Variants in MTCL2 observed in about 807,000 individuals in gnomAD.
MTCL2 encodes the protein microtubule crosslinking factor 2.
the MTCL2 span, chr20:36,829,094 G>A: frequency 6.4e-7 from 1 of 1,560,788 alleles, no homozygotes; most frequent in Non-Finnish European, 8.7e-7. Context: ...CACCTGCTTA[G>A]CCAGCTCAGT....
At chr20:36,829,083 G>A in the MTCL2 span, 1 of 1,556,854 alleles carries the variant, frequency 6.4e-7, no homozygotes, top group African/African-American at 1.4e-5. Flanking sequence ...TCCGTCTGCA[G>A]CACCTGCTTA....
At chr20:36,851,565 C>G in the MTCL2 span, among the ~76,000 whole-genome samples, 1 of 152,238 alleles carries the variant, frequency 6.6e-6, no homozygotes, top group Non-Finnish European at 1.5e-5. Context: ...CCCTGCCCCC[C>G]ATCTCTGCCC....
the MTCL2 span, among the ~76,000 whole-genome samples, chr20:36,846,346 G>A: frequency 1.3e-5 from 2 of 152,134 alleles, no homozygotes; most frequent in African/African-American, 2.4e-5. Flanking sequence ...CCACGGCCTG[G>A]CCACCTCCTT....
chr20:36,780,797 TTAAA>T, the MTCL2 span: 1 of 152,222 alleles, frequency 6.6e-6, no homozygotes, highest in Non-Finnish European at 1.5e-5. Flanking sequence ...ATTTATTTTT[TTAAA>T]TAGTCACCTG....
At chr20:36,784,056 A>T in the MTCL2 span, 1 of 985,540 alleles carries the variant, frequency 1.0e-6, no homozygotes, top group South Asian at 4.7e-5. Context: ...TACGATGGTA[A>T]GGCTGAGTGG....
chr20:36,783,699 T>A, the MTCL2 span: 1 of 929,078 alleles, frequency 1.1e-6, no homozygotes, highest in African/African-American at 1.8e-5. Flanking sequence ...ATCCCCACTG[T>A]GGGTCAGGCA....
At chr20:36,848,208 GCCAC>G in the MTCL2 span, among the ~76,000 whole-genome samples, 1 of 152,132 alleles carries the variant, frequency 6.6e-6, no homozygotes, top group African/African-American at 2.4e-5. Context: ...AGATCCCTAT[GCCAC>G]CCAAGGAGGG....
the MTCL2 span, among the ~76,000 whole-genome samples, chr20:36,848,329 G>A: frequency 7.9e-5 from 12 of 152,194 alleles, no homozygotes; most frequent in Admixed American, 7.9e-4. Context: ...CAGCCTGCAG[G>A]AAGCAGCCTC....
At chr20:36,828,674 C>T in the MTCL2 span, 1 of 190,192 alleles carries the variant, frequency 5.3e-6, no homozygotes, top group African/African-American at 2.4e-5. Context: ...GCACCACTGC[C>T]CCATTGTATA....
the MTCL2 span, among the ~76,000 whole-genome samples, chr20:36,792,848 A>ATAGG: frequency 6.8e-6 from 1 of 146,388 alleles, no homozygotes; most frequent in South Asian, 2.1e-4. Flanking sequence ...AGATAGATAG[A>ATAGG]TAGATAGATA....
At chr20:36,853,622 C>T in the MTCL2 span, among the ~76,000 whole-genome samples, 1 of 152,032 alleles carries the variant, frequency 6.6e-6, no homozygotes, top group Non-Finnish European at 1.5e-5. Context: ...AAGGTCTACG[C>T]AGCCAGTCAG....
the MTCL2 span, among the ~76,000 whole-genome samples, chr20:36,807,543 G>C: frequency 6.6e-6 from 1 of 152,202 alleles, no homozygotes; most frequent in Non-Finnish European, 1.5e-5. Flanking sequence ...GATGTGTGCT[G>C]CTGTGCTGAT....
At chr20:36,794,091 C>T in the MTCL2 span, 1 of 1,551,348 alleles carries the variant, frequency 6.4e-7, no homozygotes, top group African/African-American at 1.4e-5. The surrounding 1 kb of genome is among the most constrained non-coding windows in gnomAD (Gnocchi z 5.4). Flanking sequence ...TCATGCAGGG[C>T]CGCTGGGAAG....
chr20:36,859,876 G>A, the MTCL2 span: 1 of 1,231,564 alleles, frequency 8.1e-7, no homozygotes, highest in South Asian at 4.1e-5. Flanking sequence ...AACACATCAA[G>A]AGTCTAACAC....
At chr20:36,832,332 T>C in the MTCL2 span, among the ~76,000 whole-genome samples, 1 of 152,120 alleles carries the variant, frequency 6.6e-6, no homozygotes, top group Non-Finnish European at 1.5e-5. Flanking sequence ...GGATGCCCCA[T>C]CTCCACCATG....
chr20:36,843,743 T>C, the MTCL2 span, among the ~76,000 whole-genome samples: 17 of 152,080 alleles, frequency 1.1e-4, no homozygotes, highest in Non-Finnish European at 2.2e-4. Flanking sequence ...ATGGAAAGAA[T>C]AGGAGGGTCT....
the MTCL2 span, among the ~76,000 whole-genome samples, chr20:36,813,644 G>T: frequency 1.4e-5 from 2 of 144,494 alleles, no homozygotes; most frequent in African/African-American, 2.6e-5. Flanking sequence ...GGAGACAGGA[G>T]AATTGTAATT....
chr20:36,852,045 C>T, the MTCL2 span, among the ~76,000 whole-genome samples: 1 of 152,198 alleles, frequency 6.6e-6, no homozygotes, highest in Admixed American at 6.5e-5. Flanking sequence ...CCAAACCTTA[C>T]CCAAATGTAC....
chr20:36,846,006 G>C, the MTCL2 span, among the ~76,000 whole-genome samples: 2 of 152,134 alleles, frequency 1.3e-5, no homozygotes, highest in African/African-American at 4.8e-5. Context: ...CGTGGCTATG[G>C]AACAAAGTTG....
Sources: allele counts gnomAD v4.1 joint callset (sites outside exome capture counted in the v4.1 genomes callset), GRCh38; gene constraint gnomAD v4.1.1; non-coding constraint Gnocchi (gnomAD v3.1); transcripts MANE v1.5; gene names NCBI Gene and HGNC (gene_info 2026-07-23, HGNC 2026-07-21).